FAM47E: variants seen among roughly 807,000 people sequenced by gnomAD.
The protein encoded by FAM47E is protein FAM47E.
In FAM47E, 32 loss-of-function variants were observed where a neutral mutation model predicts 41.6. The ratio of observed to expected loss-of-function variants is 0.77; its 90% CI spans 0.58 to 1.03. FAM47E has a LOEUF of 1.03. FAM47E is among the 50% of genes least tolerant of loss of function. FAM47E has a pLI of 0.00. For synonymous variants in FAM47E, 184 were observed against 188.7 expected (o/e 0.98, Z 0.20); for missense variants, 424 against 485.4 (o/e 0.87, Z 1.19).
At position 76,263,760 on chromosome 4, in the gene FAM47E, G is replaced by A; in HGVS notation, c.477G>A (p.Trp159Ter). The A allele has an allele frequency of 6.4e-7, 1 of 1,551,580 alleles. No homozygotes were observed. Among genetic ancestry groups the A allele is most frequent in the Non-Finnish European group, 8.7e-7 (1 of 1,146,884 alleles). ...LDPDRKLEDT[W>*]AYCQDTRKGM... is the part of the protein sequence containing the mutation. ...CTGACCGGAAGCTGGAGGACACATG[G>A]GCTTATTGTCAGGACACCAGGAAAG... The change falls in exon 3 of 8, where the codon TGG (tryptophan) becomes TGA (stop). Residue 159 changes from tryptophan to a stop codon, truncating the protein, a stop_gained. Coordinates refer to ENST00000424749, the MANE Select transcript of FAM47E (RefSeq NM_001136570.3). LOFTEE classifies it high-confidence loss of function.
At chr4:76,256,544 T>A (rs1393594100) in intron 2 of FAM47E, 21 bp downstream of exon 2, 1 of 1,513,758 alleles carries the variant, frequency 6.6e-7, no homozygotes, top group East Asian at 2.5e-5. Flanking sequence ...CTAGGGTTTG[T>A]GGGAGGGGCT....
At chr4:76,234,291 C>T (rs969487113) in intron 2 of FAM47E, 1 of 152,530 alleles carries the variant, frequency 6.6e-6, no homozygotes, top group Non-Finnish European at 1.5e-5. Flanking sequence ...GGTTTTGAGT[C>T]ATTTCACTCA....
At chr4:76,273,471 C>T (rs1162069427) in intron 5 of FAM47E, among the ~76,000 whole-genome samples, 1 of 152,192 alleles carries the variant, frequency 6.6e-6, no homozygotes, top group Non-Finnish European at 1.5e-5. Flanking sequence ...CTTGGTTGTA[C>T]TGTTTCTAGG....
At chr4:76,262,827 A>G (rs1734475622) in intron 2 of FAM47E, among the ~76,000 whole-genome samples, 1 of 152,058 alleles carries the variant, frequency 6.6e-6, no homozygotes, top group Non-Finnish European at 1.5e-5. Context: ...TAGTGGTGCA[A>G]TTATAGTTCA....
upstream of FAM47E, chr4:76,251,642 G>A: frequency 7.4e-7 from 1 of 1,351,640 alleles, no homozygotes; most frequent in Non-Finnish European, 9.5e-7. Flanking sequence ...CAGGCGCCCG[G>A]GGCAAATACC....
intron 2 of FAM47E, among the ~76,000 whole-genome samples, chr4:76,236,024 C>G (rs1205152844): frequency 6.6e-6 from 1 of 152,132 alleles, no homozygotes; most frequent in East Asian, 1.9e-4. Flanking sequence ...TCTTACCTGT[C>G]TTTTATAACT....
intron 2 of FAM47E, among the ~76,000 whole-genome samples, chr4:76,231,406 T>C (rs1035161311): frequency 6.6e-6 from 1 of 152,206 alleles, no homozygotes; most frequent in African/African-American, 2.4e-5. Flanking sequence ...CAGGAACAAG[T>C]AGGATTAGTC....
At chr4:76,277,164 C>T (rs1272043926) in intron 5 of FAM47E, among the ~76,000 whole-genome samples, 2 of 152,140 alleles carry the variant, frequency 1.3e-5, no homozygotes, top group South Asian at 2.1e-4. Flanking sequence ...ATATGTTCAT[C>T]GTCCTCTTTC....
At chr4:76,281,417 T>C (rs1224739174) in intron 7 of FAM47E, 4 of 151,978 alleles carry the variant, frequency 2.6e-5, no homozygotes, top group African/African-American at 9.7e-5. Flanking sequence ...CTGCTAGATA[T>C]ATTTAATATA....
chr4:76,230,484 C>T (rs1458626880), intron 2 of FAM47E, among the ~76,000 whole-genome samples: 1 of 152,184 alleles, frequency 6.6e-6, no homozygotes, highest in Non-Finnish European at 1.5e-5. Flanking sequence ...ACCTGCCCCT[C>T]CCTGTCTGCC....
chr4:76,243,147 G>A (rs1034417979), intron 2 of FAM47E, among the ~76,000 whole-genome samples: 1 of 152,178 alleles, frequency 6.6e-6, no homozygotes, highest in Non-Finnish European at 1.5e-5. Context: ...ACCAGAACCC[G>A]ACCATGCTGG....
chr4:76,270,523 C>T (rs371766489), intron 4 of FAM47E, among the ~76,000 whole-genome samples: 3 of 152,140 alleles, frequency 2.0e-5, no homozygotes, highest in Non-Finnish European at 4.4e-5. Context: ...ATGAAGCAGA[C>T]GACGCCCACT....
intron 2 of FAM47E, chr4:76,234,286 T>G (rs1290965503): frequency 6.6e-6 from 1 of 152,520 alleles, no homozygotes; most frequent in Non-Finnish European, 1.5e-5. Context: ...TGAGAGGTTT[T>G]GAGTCATTTC....
chr4:76,232,577 C>T (rs1733511996), intron 2 of FAM47E, among the ~76,000 whole-genome samples: 1 of 152,110 alleles, frequency 6.6e-6, no homozygotes, highest in African/African-American at 2.4e-5. Context: ...ATAACTTAGA[C>T]ATTAGAATTT....
chr4:76,219,948 T>G (rs1733279954), intron 2 of FAM47E, among the ~76,000 whole-genome samples: 1 of 152,236 alleles, frequency 6.6e-6, no homozygotes, highest in Admixed American at 6.5e-5. Context: ...TTTCCAGTTC[T>G]TTCATAAATA....
At chr4:76,255,717 G>C (rs761381773) in intron 1 of FAM47E, among the ~76,000 whole-genome samples, 1 of 152,082 alleles carries the variant, frequency 6.6e-6, no homozygotes, top group Admixed American at 6.5e-5. Context: ...ATGTGGTGGC[G>C]GCAGTTGGAA....
intron 2 of FAM47E, among the ~76,000 whole-genome samples, chr4:76,226,467 G>A (rs1206941291): frequency 1.3e-5 from 2 of 152,224 alleles, no homozygotes; most frequent in Non-Finnish European, 2.9e-5. Context: ...GAGGCTAAGA[G>A]GGGTTTTATG....
At chr4:76,254,712 G>A (rs759365188) in intron 1 of FAM47E, among the ~76,000 whole-genome samples, 8 of 152,158 alleles carry the variant, frequency 5.3e-5, no homozygotes, top group Non-Finnish European at 1.0e-4. Flanking sequence ...GATAAAAGGG[G>A]TCTGAAGGTG....
intron 3 of FAM47E, among the ~76,000 whole-genome samples, chr4:76,267,030 T>A (rs1329111721): frequency 2.0e-5 from 3 of 152,246 alleles, no homozygotes; most frequent in Non-Finnish European, 2.9e-5. Context: ...ATCCCCCTCC[T>A]GTCCTATTTT....
Sources: gnomAD v4.1 joint callset for allele counts (sites outside exome capture counted in the v4.1 genomes callset) on GRCh38, gnomAD v4.1.1 for gene constraint, MANE v1.5 for transcripts, NCBI Gene and HGNC (gene_info 2026-07-23, HGNC 2026-07-21) for gene names.